Variants in ABCA10 observed in about 807,000 individuals in gnomAD.
The protein encoded by ABCA10 is ATP-binding cassette sub-family A member 10.
A neutral mutation model predicts 187.5 loss-of-function variants in ABCA10; 169 were observed. That is an observed-to-expected ratio of 0.90 (90% confidence interval 0.80 to 1.02). The LOEUF (loss-of-function observed/expected upper bound fraction) is 1.02, where lower values mean the gene tolerates loss of function less well. Ranked by LOEUF, ABCA10 falls within the 50% of genes least tolerant of loss-of-function variation. The pLI is 0.00. For synonymous variants in ABCA10, 574 were observed against 601.8 expected (o/e 0.95, Z 0.68); for missense variants, 1,727 against 1,812.4 (o/e 0.95, Z 0.86).
chr17:69,150,204 T>C (rs2074117975), intron 36 of ABCA10, 141 bp from the exon 37 acceptor site: 1 of 550,034 alleles, frequency 1.8e-6, no homozygotes, highest in Non-Finnish European at 3.1e-6. Flanking sequence ...CAGTGTGAAA[T>C]TACAGATTCA....
intron 15 of ABCA10, 47 bp downstream of exon 15, chr17:69,193,063 T>C (rs751618460): frequency 6.5e-7 from 1 of 1,548,240 alleles, no homozygotes; most frequent in Admixed American, 2.1e-5. Flanking sequence ...ATAACTCTCA[T>C]GTTAAATCCT....
chr17:69,222,977 A>G (rs1012369688), intron 3 of ABCA10, among the ~76,000 whole-genome samples: 2 of 151,884 alleles, frequency 1.3e-5, no homozygotes, highest in African/African-American at 4.8e-5. Flanking sequence ...TGCCTATGTA[A>G]GCATAGAAAC....
chr17:69,195,548 G>GTTTTCC (rs2074491978), intron 11 of ABCA10, among the ~76,000 whole-genome samples: 1 of 35,084 alleles, frequency 2.9e-5, no homozygotes, highest in African/African-American at 1.3e-4. Context: ...AAACAATGAA[G>GTTTTCC]TTTTTCTTTT....
intron 28 of ABCA10, 110 bp from the exon 29 acceptor site, chr17:69,156,035 T>A: frequency 8.0e-7 from 1 of 1,251,674 alleles, no homozygotes; most frequent in South Asian, 1.8e-5. Context: ...GACTATCACA[T>A]CATTAATTTA....
At chr17:69,184,598 G>A (rs9905622) in intron 20 of ABCA10, among the ~76,000 whole-genome samples, 25,306 of 152,030 alleles carry the variant, frequency 0.17, 3,844 homozygotes, top group African/African-American at 0.4. Context: ...CTTTTACACT[G>A]TTGGTGGGAA....
At chr17:69,194,325 A>G in intron 12 of ABCA10, 60 bp downstream of exon 12, 1 of 1,411,764 alleles carries the variant, frequency 7.1e-7, no homozygotes, top group Non-Finnish European at 1.0e-6. Flanking sequence ...TTTTTACATA[A>G]TCAAACCAAT....
At chr17:69,209,752 C>T (rs2144828242) in intron 9 of ABCA10, among the ~76,000 whole-genome samples, 1 of 152,228 alleles carries the variant, frequency 6.6e-6, no homozygotes, top group Admixed American at 6.5e-5. Context: ...ACTCTACAAA[C>T]CTAATGATAT....
chr17:69,181,766 C>T (rs1413698017), intron 22 of ABCA10, among the ~76,000 whole-genome samples: 3 of 151,796 alleles, frequency 2.0e-5, no homozygotes, highest in South Asian at 2.1e-4. Context: ...TTTATAGGAA[C>T]GTAAGCTCCA....
chr17:69,194,245 G>T, intron 12 of ABCA10, 140 bp downstream of exon 12: 1 of 762,604 alleles, frequency 1.3e-6, no homozygotes, highest in Non-Finnish European at 2.1e-6. Context: ...ATGAATTTAT[G>T]TGCATATGAA....
At chr17:69,244,408 A>T (rs977640921) in intron 1 of ABCA10, 3 of 151,904 alleles carry the variant, frequency 2.0e-5, no homozygotes, top group Non-Finnish European at 2.9e-5. Flanking sequence ...ATACAAAATG[A>T]CTTGTCTTAA....
upstream of ABCA10, among the ~76,000 whole-genome samples, chr17:69,231,721 T>C (rs1228835387): frequency 6.6e-6 from 1 of 152,184 alleles, no homozygotes; most frequent in African/African-American, 2.4e-5. Flanking sequence ...CCATGTGCTG[T>C]TGAGAAGAAT....
rs2144789762 is a variant in ABCA10 at position 69,182,247 on chromosome 17, C to T, written c.2675G>A (p.Cys892Tyr). Reference protein sequence around the residue: ...SVACNTKKLNCFPVLMGIVSN... With the variant: ...SVACNTKKLNYFPVLMGIVSN... The stretch of plus-strand genomic sequence containing the variant: ...AACAATTCCCATAAGAACAGGAAAA[C>T]AATTCAATTTCTTGGTATTACACGC... The change falls in exon 22 of 39, where the codon TGT becomes TAT. Residue 892 changes from cysteine (C) to tyrosine (Y), a missense_variant. Physicochemically the swap from Cys to Tyr is radical, Grantham distance 194 (BLOSUM62 -2). Coordinates refer to ENST00000690296, the MANE Select transcript of ABCA10 (RefSeq NM_001377321.1). 2 of 1,592,634 alleles carry T rather than the reference C, an allele frequency of 1.3e-6. No individual in the cohort carries two copies. Among genetic ancestry groups the T allele is most frequent in the Admixed American group, 1.7e-5 (1 of 57,968 alleles).
chr17:69,222,125 CGGGT>C (rs1448969875), intron 4 of ABCA10, among the ~76,000 whole-genome samples: 1 of 151,948 alleles, frequency 6.6e-6, no homozygotes, highest in East Asian at 1.9e-4. Flanking sequence ...GAGGCCGAGG[CGGGT>C]GGATCATTTG....
chr17:69,208,020 G>A (rs2144825338), intron 9 of ABCA10, among the ~76,000 whole-genome samples: 1 of 152,190 alleles, frequency 6.6e-6, no homozygotes, highest in East Asian at 1.9e-4. Flanking sequence ...AACATCATGT[G>A]TACATGGTAA....
Position 69,214,796 on chromosome 17 carries a change from T to C in ABCA10, c.914A>G (p.Asp305Gly). Residue 305 changes from aspartate to glycine, a missense_variant, in exon 9 of 39, where the codon GAT becomes GGT. Transcript: ENST00000690296. ...SGVIFPDPSG[D>G]SYKMIATFFI... is the part of the protein sequence containing the mutation. Reference sequence around the variant, plus strand: ...AAAAGTGGCTATCATTTTGTATGAATCCCCAGAGGGATCAGGAAAAATAAC... The same window carrying C: ...AAAAGTGGCTATCATTTTGTATGAACCCCCAGAGGGATCAGGAAAAATAAC... 3.3e-6 allele frequency: 5 copies of C among 1,507,348 alleles called. No homozygotes were observed. Among genetic ancestry groups the C allele is most frequent in the Non-Finnish European group, 4.4e-6 (5 of 1,133,578 alleles). The allele number at this position is 1,507,348 out of a possible 1,614,324, so 93.4% of individuals were successfully genotyped here.
intron 1 of ABCA10, among the ~76,000 whole-genome samples, chr17:69,240,826 C>T (rs980424764): frequency 6.6e-6 from 1 of 152,168 alleles, no homozygotes; most frequent in Admixed American, 6.6e-5. Flanking sequence ...AGATTTGTGC[C>T]ACTGGGTCTC....
At position 69,180,113 on chromosome 17, in the gene ABCA10, C is replaced by T. The variant is rs575254941; in HGVS notation, c.2769+2040G>A. ...AAAATAATATCTTAGTTGAATGTTA[C>T]GTCTACTTTATGAGGTAGAAAAAGC... On this transcript the variant is annotated intron_variant, in intron 22 of 38. Coordinates refer to ENST00000690296, the MANE Select transcript of ABCA10 (RefSeq NM_001377321.1). Among the ~76,000 whole-genome samples, 72 of 152,166 alleles carry T rather than the reference C, an allele frequency of 4.7e-4. 1 individual carries two copies. The South Asian group carries it at 7.7e-3, about 16-fold the overall frequency.
At chr17:69,216,680 T>C (rs576221239) in intron 6 of ABCA10, among the ~76,000 whole-genome samples, 409 of 152,212 alleles carry the variant, frequency 2.7e-3, no homozygotes, top group Non-Finnish European at 2.7e-3. Context: ...AAATTTTATA[T>C]TTAATATAAT....
chr17:69,178,482 T>C (rs775676260), intron 22 of ABCA10, among the ~76,000 whole-genome samples: 23 of 152,122 alleles, frequency 1.5e-4, no homozygotes, highest in Non-Finnish European at 5.9e-5. Context: ...TCAGAATCTC[T>C]GGGGATGGTG....
Sources: allele counts gnomAD v4.1 joint callset (sites outside exome capture counted in the v4.1 genomes callset), GRCh38; gene constraint gnomAD v4.1.1; transcripts MANE v1.5; gene names NCBI Gene and HGNC (gene_info 2026-07-23, HGNC 2026-07-21).